CNTNAP5: variants seen among roughly 807,000 people sequenced by gnomAD.
The protein encoded by CNTNAP5 is contactin associated protein family member 5.
Under a neutral mutation model 150.2 loss-of-function variants are expected in CNTNAP5, and 72 were observed. That is an observed-to-expected ratio of 0.48 (90% CI 0.40 to 0.58). CNTNAP5 has a LOEUF of 0.58. CNTNAP5 is among the 20% of genes least tolerant of loss of function. The pLI is 0.00. For synonymous variants in CNTNAP5, 672 were observed against 619.8 expected (o/e 1.08, Z -1.25); for missense variants, 1,636 against 1,626.2 (o/e 1.01, Z -0.10).
In CNTNAP5 at chr2:124,527,333, C is replaced by T. The variant is rs762314550; in HGVS notation, c.1526C>T (p.Ala509Val). 9.9e-6 allele frequency: 16 copies of T among 1,613,618 alleles called. No individual in the cohort carries two copies. The Admixed American group carries it at 2.5e-4, about 25-fold the overall frequency. Residue 509 changes from alanine to valine, a missense_variant, in exon 10 of 24, where the codon GCT becomes GTT. Coordinates refer to ENST00000682447, the MANE Select transcript of CNTNAP5 (RefSeq NM_001367498.1). ...TDSQCLNPIK[A>V]FQGCMRLIFI... is the part of the protein sequence containing the mutation. ...TCCCAATGTTTAAATCCCATTAAGG[C>T]TTTCCAAGGCTGCATGAGGCTCATC...
chr2:124,764,883 A>G (rs1466232595), intron 16 of CNTNAP5, among the ~76,000 whole-genome samples: 1 of 152,156 alleles, frequency 6.6e-6, no homozygotes, highest in Admixed American at 6.6e-5. Flanking sequence ...AAGCATACCT[A>G]TATATTGCTC....
At chr2:124,308,807 T>C (rs1349504621) in intron 3 of CNTNAP5, among the ~76,000 whole-genome samples, 1 of 152,194 alleles carries the variant, frequency 6.6e-6, no homozygotes, top group Non-Finnish European at 1.5e-5. Context: ...ATTTGTAAAA[T>C]TGAAAACAGA....
At chr2:124,659,343 G>T (rs1218575989) in intron 13 of CNTNAP5, among the ~76,000 whole-genome samples, 2 of 152,072 alleles carry the variant, frequency 1.3e-5, no homozygotes, top group African/African-American at 4.8e-5. Context: ...TGGTAGCGGT[G>T]ATTTCACAGC....
intron 3 of CNTNAP5, among the ~76,000 whole-genome samples, chr2:124,369,027 G>A (rs1382407508): frequency 6.6e-6 from 1 of 152,102 alleles, no homozygotes; most frequent in Non-Finnish European, 1.5e-5. Flanking sequence ...ATAGCTGAGA[G>A]TATCAAGACA....
chr2:124,370,897 A>G (rs1341281814), intron 3 of CNTNAP5, among the ~76,000 whole-genome samples: 1 of 152,192 alleles, frequency 6.6e-6, no homozygotes, highest in Non-Finnish European at 1.5e-5. Flanking sequence ...GAAGACCTGA[A>G]ATAACAGTTA....
intron 3 of CNTNAP5, among the ~76,000 whole-genome samples, chr2:124,414,507 C>T (rs1226499999): frequency 6.6e-6 from 1 of 152,046 alleles, no homozygotes; most frequent in African/African-American, 2.4e-5. Flanking sequence ...AATGATATGG[C>T]TCTGGGATAG....
At position 124,262,083 on chromosome 2, in the gene CNTNAP5, C is replaced by CT. The variant is rs201102644; in HGVS notation, c.381+19700dup. On this transcript the variant is annotated intron_variant, in intron 3 of 23. Transcript: ENST00000682447. ...ATAGTGAGATCTTGTCTCTACGTTT[C>CT]TTTTTTTTTTAATTATCCAGGCATG... Among the ~76,000 whole-genome samples, 500 of 148,270 alleles carry CT rather than the reference C, an allele frequency of 3.4e-3. 7 individuals are homozygous for CT. The highest frequency in any genetic ancestry group is 0.03 in the South Asian group (138 of 4,648).
At chr2:124,872,374 CTG>C (rs56024878) in intron 21 of CNTNAP5, among the ~76,000 whole-genome samples, 33,253 of 139,060 alleles carry the variant, frequency 0.24, 4,013 homozygotes, top group East Asian at 0.51. Flanking sequence ...TTTCCTTATG[CTG>C]TGTGTGTGTG....
At chr2:124,145,838 A>AAAAAAG (rs1684236611) in intron 1 of CNTNAP5, among the ~76,000 whole-genome samples, 1 of 94,138 alleles carries the variant, frequency 1.1e-5, no homozygotes, top group Admixed American at 1.1e-4. Flanking sequence ...AGAAGAAAAA[A>AAAAAAG]AAAAAAAATA....
intron 13 of CNTNAP5, among the ~76,000 whole-genome samples, chr2:124,653,879 G>T (rs989594636): frequency 6.7e-6 from 1 of 148,496 alleles, no homozygotes; most frequent in African/African-American, 2.5e-5. Context: ...ACTTGTAGTA[G>T]GGAAGACAGA....
chr2:124,124,424 A>T (rs1683637898), intron 1 of CNTNAP5, among the ~76,000 whole-genome samples: 1 of 152,212 alleles, frequency 6.6e-6, no homozygotes, highest in African/African-American at 2.4e-5. Flanking sequence ...GAAAAGACCA[A>T]ATCTACGTCT....
chr2:124,181,760 A>T (rs1573816879), intron 1 of CNTNAP5, among the ~76,000 whole-genome samples: 1 of 152,252 alleles, frequency 6.6e-6, no homozygotes, highest in East Asian at 1.9e-4. Flanking sequence ...GCTAAGGTGA[A>T]GATCAACTAA....
intron 19 of CNTNAP5, among the ~76,000 whole-genome samples, chr2:124,814,691 A>G (rs1573635642): frequency 6.6e-6 from 1 of 152,218 alleles, no homozygotes; most frequent in East Asian, 1.9e-4. Context: ...AAAGAAAAAG[A>G]AGAAATTAAA....
In CNTNAP5 at chr2:124,443,378, A is replaced by G. The variant is rs568188942; in HGVS notation, c.734-3375A>G. Among the ~76,000 whole-genome samples, 32 of 151,852 alleles carry G rather than the reference A, an allele frequency of 2.1e-4. No individual in the cohort carries two copies. The South Asian group carries it at 6.4e-3, about 31-fold the overall frequency. On this transcript the variant is annotated intron_variant, in intron 5 of 23. Coordinates refer to ENST00000682447, the MANE Select transcript of CNTNAP5 (RefSeq NM_001367498.1). ...TCTTTGTATTCTGATAAAGATTTTC[A>G]GGATAGATGAAATAAAAATGGAAAG...
chr2:124,127,562 T>A (rs1055714689), intron 1 of CNTNAP5, among the ~76,000 whole-genome samples: 1 of 152,132 alleles, frequency 6.6e-6, no homozygotes, highest in Non-Finnish European at 1.5e-5. Flanking sequence ...AAAACTACTT[T>A]AAAGTTCATA....
rs79779736 is a variant in CNTNAP5, at chr2:124,297,110, T to A, written c.381+54717T>A. ...GGGGATATGCCTTTTGGGGTTATAC[T>A]TTCTCCTCTCACTTCCTATCCACAG... On this transcript the variant is annotated intron_variant, in intron 3 of 23. Coordinates refer to ENST00000682447, the MANE Select transcript of CNTNAP5 (RefSeq NM_001367498.1). Among the ~76,000 whole-genome samples the A allele has an allele frequency of 4.0e-3, 612 of 152,350 alleles. 4 individuals are homozygous for A. Among genetic ancestry groups the A allele is most frequent in the African/African-American group, 0.014 (570 of 41,578 alleles).
intron 3 of CNTNAP5, among the ~76,000 whole-genome samples, chr2:124,283,404 C>G (rs1377496854): frequency 6.6e-6 from 1 of 152,190 alleles, no homozygotes; most frequent in Non-Finnish European, 1.5e-5. Context: ...CTGACCCTAG[C>G]ATCTGCTGCA....
chr2:124,656,850 T>A (rs1235619246), intron 13 of CNTNAP5, among the ~76,000 whole-genome samples: 1 of 152,218 alleles, frequency 6.6e-6, no homozygotes, highest in African/African-American at 2.4e-5. Context: ...AATGTTCTAA[T>A]ATTAAGATAC....
chr2:124,288,810 A>C (rs927030344), intron 3 of CNTNAP5, among the ~76,000 whole-genome samples: 1 of 152,162 alleles, frequency 6.6e-6, no homozygotes, highest in African/African-American at 2.4e-5. Context: ...ATGCTGCTAA[A>C]AGTTTCTTCC....
Sources: gnomAD v4.1 joint callset for allele counts (sites outside exome capture counted in the v4.1 genomes callset) on GRCh38, gnomAD v4.1.1 for gene constraint, MANE v1.5 for transcripts, NCBI Gene and HGNC (gene_info 2026-07-23, HGNC 2026-07-21) for gene names.